Variants in KLHL14 observed in about 807,000 individuals in gnomAD.
The protein encoded by KLHL14 is kelch like family member 14, also known as kelch-like protein 14.
A neutral mutation model predicts 64.3 loss-of-function variants in KLHL14; 22 were observed. The observed-to-expected ratio is 0.34, with a 90% confidence interval of 0.24 to 0.49. The LOEUF is 0.49. Among genes scored for constraint, KLHL14 ranks in the 20% least tolerant of loss-of-function variants. The pLI is 0.99. For missense variants in KLHL14, 661 were observed against 789.0 expected (o/e 0.84, Z 1.94); for synonymous variants, 322 against 333.4 (o/e 0.97, Z 0.37).
chr18:32,716,749 T>C (rs1000472498), intron 3 of KLHL14, among the ~76,000 whole-genome samples: 6 of 152,214 alleles, frequency 3.9e-5, no homozygotes, highest in Non-Finnish European at 5.9e-5. Context: ...CAATCAATTT[T>C]GTACCTTCAT....
At chr18:32,754,493 G>C (rs1407406893) in intron 2 of KLHL14, among the ~76,000 whole-genome samples, 1 of 152,214 alleles carries the variant, frequency 6.6e-6, no homozygotes, top group East Asian at 1.9e-4. Context: ...ATATCTCTGA[G>C]AGAGTGAGAC....
At chr18:32,765,617 C>T (rs897307113) in intron 2 of KLHL14, among the ~76,000 whole-genome samples, 1 of 152,100 alleles carries the variant, frequency 6.6e-6, no homozygotes, top group Non-Finnish European at 1.5e-5. Context: ...TTAGAGAATG[C>T]ATGGATACAA....
chr18:32,769,238 C>T (rs1192402900), intron 2 of KLHL14, among the ~76,000 whole-genome samples: 15 of 152,140 alleles, frequency 9.9e-5, no homozygotes, highest in Admixed American at 9.2e-4. Context: ...GGTGGGCATT[C>T]CTCACCACAG....
At chr18:32,759,116 CAAT>C (rs1336318609) in intron 2 of KLHL14, among the ~76,000 whole-genome samples, 15 of 152,132 alleles carry the variant, frequency 9.9e-5, no homozygotes, top group Admixed American at 9.8e-4. Flanking sequence ...AATTACATCT[CAAT>C]AAAGCTGCTC....
At chr18:32,698,261 G>A (rs891441309) in intron 3 of KLHL14, among the ~76,000 whole-genome samples, 3 of 152,102 alleles carry the variant, frequency 2.0e-5, no homozygotes, top group Admixed American at 2.0e-4. Context: ...TTCTCCAGAG[G>A]TGGACAAGTG....
At chr18:32,758,999 G>A (rs2050299238) in intron 2 of KLHL14, among the ~76,000 whole-genome samples, 2 of 152,094 alleles carry the variant, frequency 1.3e-5, no homozygotes, top group Admixed American at 1.3e-4. Flanking sequence ...TTTGGGGGAG[G>A]GAATGATTAA....
intron 2 of KLHL14, among the ~76,000 whole-genome samples, chr18:32,764,902 A>G (rs1019257414): frequency 6.6e-6 from 1 of 152,138 alleles, no homozygotes; most frequent in Non-Finnish European, 1.5e-5. Flanking sequence ...TTTAAGTCAG[A>G]TACATTACTA....
chr18:32,758,619 A>G (rs1422041435), intron 2 of KLHL14, among the ~76,000 whole-genome samples: 1 of 152,238 alleles, frequency 6.6e-6, no homozygotes, highest in Non-Finnish European at 1.5e-5. Context: ...ATGAAAACAT[A>G]TGTCCATACA....
intron 3 of KLHL14, among the ~76,000 whole-genome samples, chr18:32,699,156 T>C (rs538826036): frequency 6.6e-6 from 1 of 152,320 alleles, no homozygotes; most frequent in South Asian, 2.1e-4. Flanking sequence ...CCTGAGATCT[T>C]ATCCACAAAG....
intron 5 of KLHL14, among the ~76,000 whole-genome samples, chr18:32,684,527 T>C (rs2049861479): frequency 6.6e-6 from 1 of 152,148 alleles, no homozygotes; most frequent in African/African-American, 2.4e-5. Context: ...AAATGAAATT[T>C]TTCTGTCATT....
At chr18:32,693,405 CACACACACAGAGAG>C (rs2049919625) in intron 4 of KLHL14, among the ~76,000 whole-genome samples, 2 of 120,836 alleles carry the variant, frequency 1.7e-5, no homozygotes, top group South Asian at 2.7e-4. Context: ...CACACACACA[CACACACACAGAGAG>C]AGAGAGAGAG....
Position 32,734,910 on chromosome 18 carries a change from G to A in KLHL14, c.1069+7018C>T, listed in dbSNP as rs190412415. Among the ~76,000 whole-genome samples the A allele has an allele frequency of 9.9e-4, 151 of 152,204 alleles. 1 individual carries two copies. Among genetic ancestry groups the A allele is most frequent in the South Asian group, 3.1e-3 (15 of 4,824 alleles). On this transcript the variant is annotated intron_variant, in intron 3 of 8. Transcript: ENST00000359358. ...TGTGTGTGTGTGTGTGTGCGTGCAC[G>A]CGCACACATGCTCTTTGATGCTATG...
At chr18:32,712,631 A>G (rs572985032) in intron 3 of KLHL14, among the ~76,000 whole-genome samples, 38 of 152,262 alleles carry the variant, frequency 2.5e-4, no homozygotes, top group African/African-American at 9.1e-4. Flanking sequence ...TCTTGAATCA[A>G]TATCCTCTTC....
At chr18:32,693,475 T>C (rs1404525190) in intron 4 of KLHL14, among the ~76,000 whole-genome samples, 2 of 144,912 alleles carry the variant, frequency 1.4e-5, no homozygotes, top group Non-Finnish European at 3.0e-5. Flanking sequence ...GTATTAAGGA[T>C]AAAGGTAAAA....
At chr18:32,699,833 C>G (rs1320360485) in intron 3 of KLHL14, among the ~76,000 whole-genome samples, 1 of 151,964 alleles carries the variant, frequency 6.6e-6, no homozygotes, top group Non-Finnish European at 1.5e-5. Context: ...ATTTGAATAG[C>G]TGGTTTCCTT....
intron 2 of KLHL14, among the ~76,000 whole-genome samples, chr18:32,761,873 A>G (rs930121469): frequency 1.3e-5 from 2 of 152,210 alleles, no homozygotes; most frequent in Non-Finnish European, 2.9e-5. Context: ...AGTTTCCACT[A>G]TCAGTGTGAC....
chr18:32,703,585 A>T (rs2049976491), intron 3 of KLHL14, among the ~76,000 whole-genome samples: 1 of 152,222 alleles, frequency 6.6e-6, no homozygotes, highest in African/African-American at 2.4e-5. Context: ...GTTTTCAATA[A>T]AACCTTGTTG....
At chr18:32,676,995 C>CCT (rs1187566421) in intron 8 of KLHL14, among the ~76,000 whole-genome samples, 178 bp downstream of exon 8, 2 of 152,156 alleles carry the variant, frequency 1.3e-5, no homozygotes, top group Non-Finnish European at 2.9e-5. Flanking sequence ...GATCAGCTAG[C>CCT]AAGCCAGTTC....
At chr18:32,685,548 C>T (rs1479876128) in intron 5 of KLHL14, among the ~76,000 whole-genome samples, 1 of 152,114 alleles carries the variant, frequency 6.6e-6, no homozygotes, top group Non-Finnish European at 1.5e-5. Context: ...CAGGAAGTAA[C>T]CTCCAAAAGA....
Sources: gnomAD v4.1 joint callset for allele counts (sites outside exome capture counted in the v4.1 genomes callset) on GRCh38, gnomAD v4.1.1 for gene constraint, MANE v1.5 for transcripts, NCBI Gene and HGNC (gene_info 2026-07-23, HGNC 2026-07-21) for gene names.